ERCC4: variants seen among roughly 807,000 people sequenced by gnomAD.
ERCC4 encodes the protein DNA repair endonuclease XPF.
Under a neutral mutation model 76.9 loss-of-function variants are expected in ERCC4, and 65 were observed. The observed-to-expected ratio is 0.84, with a 90% CI of 0.69 to 1.04. ERCC4 has a LOEUF of 1.04. Ranked by LOEUF, ERCC4 falls within the 50% of genes least tolerant of loss-of-function variation. The pLI is 0.00. For synonymous variants in ERCC4, 463 were observed against 410.1 expected (o/e 1.13, Z -1.56); for missense variants, 1,214 against 1,128.2 (o/e 1.08, Z -1.09).
At position 13,926,758 on chromosome 16, in the gene ERCC4, T is replaced by C; in HGVS notation, c.584+2T>C. On this transcript the variant is annotated splice_donor_variant, in intron 3 of 10. Transcript: ENST00000311895. LOFTEE classifies it high-confidence loss of function. ...GAGGAAACTGTATCTGTGGCCAAGG[T>C]AAAGAACATTATGTGACAAATAATG... is the stretch of plus-strand genomic sequence containing the variant. 6.2e-7 allele frequency: 1 copy of C among 1,604,308 alleles called. No homozygotes were observed. The highest frequency in any genetic ancestry group is 8.5e-7 in the Non-Finnish European group (1 of 1,171,178).
intron 2 of ERCC4, among the ~76,000 whole-genome samples, chr16:13,923,585 C>T (rs773166256): frequency 1.3e-5 from 2 of 152,144 alleles, no homozygotes; most frequent in Non-Finnish European, 2.9e-5. Context: ...ATCATAGGCT[C>T]ACCTGGTTTT....
chr16:13,923,126 T>C (rs1309640345), intron 2 of ERCC4, among the ~76,000 whole-genome samples: 1 of 152,236 alleles, frequency 6.6e-6, no homozygotes, highest in Non-Finnish European at 1.5e-5. Context: ...ATTTTCATTA[T>C]CCTTTCAAAA....
intron 3 of ERCC4, chr16:13,927,647 AATGGCCAGGTAGTAAATAT>A (rs1461778179): frequency 6.0e-5 from 12 of 198,720 alleles, no homozygotes; most frequent in Non-Finnish European, 1.1e-4. Context: ...TCTTCATGTA[AATGGCCAGGTAGTAAATAT>A]TTTGGGCTTT....
rs541600279 is a variant in ERCC4, at chr16:13,948,595, G to T, written c.*248G>T. ...GGGCTTAGCATGTTTCTTTTTAAAT[G>T]AGGTTTGTCAGGATCAGGTAAAGTT... On this transcript the variant is annotated 3_prime_UTR_variant, in exon 11 of 11. Transcript: ENST00000311895. 2.0e-5 allele frequency: 10 copies of T among 510,380 alleles called. No homozygotes were observed. The Admixed American group carries it at 2.6e-4, about 13-fold the overall frequency. The allele number at this position is 510,380 out of a possible 1,614,324, so 31.6% of individuals were successfully genotyped here. A position where few individuals can be genotyped will look rare whatever the true frequency, so the allele number is the denominator to read the frequency against.
chr16:13,920,196 G>A lies in ERCC4; in HGVS notation c.31G>A (p.Ala11Thr), dbSNP rs767738598. 6.2e-7 allele frequency: 1 copy of A among 1,606,894 alleles called. No homozygotes were observed. Among genetic ancestry groups the A allele is most frequent in the Non-Finnish European group, 8.5e-7 (1 of 1,179,904 alleles). ...GTCAGGGCAGCCGGCTCGACGGATT[G>A]CCATGGCGCCGCTGCTGGAGTACGA... is the stretch of plus-strand genomic sequence containing the variant. MESGQPARRI[A>T]MAPLLEYERQ... Residue 11 changes from alanine to threonine, a missense_variant, in exon 1 of 11, where the codon GCC (alanine) becomes ACC (threonine). Transcript: ENST00000311895.
chr16:13,946,336 C>T (rs2032512780), intron 10 of ERCC4, among the ~76,000 whole-genome samples: 1 of 152,222 alleles, frequency 6.6e-6, no homozygotes, highest in African/African-American at 2.4e-5. Flanking sequence ...TGCTGCACAG[C>T]TAGGCTATGT....
At chr16:13,928,639 G>A (rs1413398598) in intron 4 of ERCC4, among the ~76,000 whole-genome samples, 1 of 152,152 alleles carries the variant, frequency 6.6e-6, no homozygotes, top group Non-Finnish European at 1.5e-5. Context: ...TTTCATTACT[G>A]AGGAGTGTGA....
chr16:13,938,519 G>T (rs2032350412), intron 9 of ERCC4, among the ~76,000 whole-genome samples: 1 of 152,186 alleles, frequency 6.6e-6, no homozygotes, highest in South Asian at 2.1e-4. Flanking sequence ...ACCTACCAGG[G>T]ATATTGTCAA....
chr16:13,942,196 TG>T (rs2141614745), intron 9 of ERCC4, among the ~76,000 whole-genome samples: 1 of 152,376 alleles, frequency 6.6e-6, no homozygotes, highest in African/African-American at 2.4e-5. Context: ...TAGGGGAACT[TG>T]GATAATTATG....
Position 13,922,116 on chromosome 16 carries a change from A to G in ERCC4, c.293A>G (p.Tyr98Cys). Residue 98 changes from tyrosine to cysteine, a missense_variant, in exon 2 of 11, where the codon TAT (tyrosine) becomes TGT (cysteine). Coordinates refer to ENST00000311895, the MANE Select transcript of ERCC4 (RefSeq NM_005236.3). Reference protein sequence around the residue: ...VTNEITSNSRYEVYTQGGVIF... With the variant: ...VTNEITSNSRCEVYTQGGVIF... ...AATGAAATCACAAGCAACAGTCGCTATGAAGTTTACACACAAGGTGGTGTT... is the reference window on the plus strand; with the variant it reads ...AATGAAATCACAAGCAACAGTCGCTGTGAAGTTTACACACAAGGTGGTGTT... The G allele has an allele frequency of 6.2e-7, 1 of 1,613,814 alleles. No individual in the cohort carries two copies. Among genetic ancestry groups the G allele is most frequent in the Non-Finnish European group, 8.5e-7 (1 of 1,179,686 alleles).
Position 13,947,688 on chromosome 16 carries a change from C to G in ERCC4, c.2092C>G (p.Leu698Val), listed in dbSNP as rs1003523850. ...MREFRSELPS[L>V]IHRRGIDIEP... ...TGAATTTCGAAGTGAGCTTCCATCT[C>G]TGATCCATCGTCGGGGCATTGACAT... Residue 698 changes from leucine to valine, a missense_variant, in exon 11 of 11, where the codon CTG becomes GTG. Physicochemically the swap from Leu to Val is conservative, Grantham distance 32. Transcript: ENST00000311895. The G allele has an allele frequency of 6.2e-7, 1 of 1,614,230 alleles. No individual in the cohort carries two copies. Among genetic ancestry groups the G allele is most frequent in the Non-Finnish European group, 8.5e-7 (1 of 1,180,040 alleles).
At chr16:13,934,510 T>C (rs142386236) in intron 7 of ERCC4, 2 of 535,108 alleles carry the variant, frequency 3.7e-6, no homozygotes, top group East Asian at 6.5e-5. Flanking sequence ...TCATTTCTGT[T>C]CGTTTGATGT....
intron 4 of ERCC4, among the ~76,000 whole-genome samples, chr16:13,929,295 T>A (rs192762499): frequency 2.1e-4 from 32 of 152,322 alleles, no homozygotes; most frequent in Non-Finnish European, 3.5e-4. Flanking sequence ...ATTTTGTAGA[T>A]GATTTTACAA....
At chr16:13,940,041 C>G (rs534824148) in intron 9 of ERCC4, among the ~76,000 whole-genome samples, 2 of 152,210 alleles carry the variant, frequency 1.3e-5, no homozygotes, top group African/African-American at 4.8e-5. Context: ...CTAGAACTCA[C>G]ATGAGTCAGA....
chr16:13,932,369 T>G (rs2032190386), intron 6 of ERCC4, 84 bp downstream of exon 6: 5 of 1,282,864 alleles, frequency 3.9e-6, no homozygotes, highest in Admixed American at 1.8e-5. Flanking sequence ...AAAGTCTTCT[T>G]TGGCCATGTG....
At chr16:13,937,165 C>G (rs1279557623) in intron 8 of ERCC4, among the ~76,000 whole-genome samples, 1 of 149,078 alleles carries the variant, frequency 6.7e-6, no homozygotes, top group Non-Finnish European at 1.5e-5. Flanking sequence ...ATCCTCCCAC[C>G]TCAGCCCCCC....
intron 2 of ERCC4, among the ~76,000 whole-genome samples, chr16:13,923,176 C>T (rs1413950865): frequency 6.6e-6 from 1 of 152,172 alleles, no homozygotes; most frequent in Non-Finnish European, 1.5e-5. Context: ...GGGGCTGTGC[C>T]TCTGTGCCCT....
intron 6 of ERCC4, 131 bp from the exon 7 acceptor site, chr16:13,934,061 A>T (rs891445250): frequency 1.6e-6 from 1 of 616,804 alleles, no homozygotes; most frequent in East Asian, 2.8e-5. Context: ...ATTCCATCTA[A>T]CATTATAAAG....
At chr16:13,947,481 A>T in intron 10 of ERCC4, 133 bp from the exon 11 acceptor site, 4 of 976,502 alleles carry the variant, frequency 4.1e-6, no homozygotes, top group South Asian at 1.4e-5. Flanking sequence ...TATAGAAATT[A>T]TATGGAATAT....
Sources: allele counts gnomAD v4.1 joint callset (sites outside exome capture counted in the v4.1 genomes callset), GRCh38; gene constraint gnomAD v4.1.1; transcripts MANE v1.5; gene names NCBI Gene and HGNC (gene_info 2026-07-23, HGNC 2026-07-21).